MAP3K15: variants seen among roughly 807,000 people sequenced by gnomAD.
MAP3K15 encodes mitogen-activated protein kinase kinase kinase 15, also known as MAPK/ERK kinase kinase 15.
MAP3K15 carries 124 observed loss-of-function variants against 99.5 expected under a neutral mutation model. The ratio of observed to expected loss-of-function variants is 1.25; its 90% confidence interval spans 1.08 to 1.45. The LOEUF (loss-of-function observed/expected upper bound fraction) is 1.45, where lower values mean the gene tolerates loss of function less well. Ranked by LOEUF, MAP3K15 falls within the 40% of genes most tolerant of loss-of-function variation. The pLI is 0.00. For missense variants in MAP3K15, 1,242 were observed against 1,079.7 expected, an observed-to-expected ratio of 1.15 and a Z score of -2.11; for synonymous variants, 494 against 439.6, an observed-to-expected ratio of 1.12 and a Z score of -1.55.
At chrX:19,414,293 AT>A (rs1164564634) in intron 10 of MAP3K15, 2 of 132,274 alleles carry the variant, frequency 1.5e-5, no homozygotes, top group Non-Finnish European at 2.8e-5. Flanking sequence ...CTGCTCCATT[AT>A]TTTTTTGTAC....
At chrX:19,390,630 T>C (rs1437940052) in intron 18 of MAP3K15, among the ~76,000 whole-genome samples, 1 of 107,267 alleles carries the variant, frequency 9.3e-6, no homozygotes, top group Non-Finnish European at 1.9e-5. Context: ...CAGGCTGGTC[T>C]TGAACTCCTG....
chrX:19,490,517 G>A (rs1225426124), intron 1 of MAP3K15, among the ~76,000 whole-genome samples: 1 of 111,014 alleles, frequency 9.0e-6, no homozygotes, highest in African/African-American at 3.3e-5. Flanking sequence ...GTTGGCCGAG[G>A]TGGGCAGAAT....
At chrX:19,428,831 TG>T in intron 7 of MAP3K15, among the ~76,000 whole-genome samples, 1 of 111,066 alleles carries the variant, frequency 9.0e-6, no homozygotes, top group Non-Finnish European at 1.9e-5. Context: ...TAGCCGGGCA[TG>T]GTGGCATGTG....
rs146424619 is a variant in MAP3K15 at position 19,470,862 on chromosome X, A to G, written c.526-6456T>C. On this transcript the variant is annotated intron_variant, in intron 3 of 28. Transcript: ENST00000338883. ...ACAATGACTTGAAAGCAGATATTAC[A>G]AATACGTTCAAAGAACTAAGGGAAA... Among the ~76,000 whole-genome samples the G allele has an allele frequency of 2.9e-3, 321 of 112,096 alleles. 2 individuals carry two copies. Among genetic ancestry groups the G allele is most frequent in the African/African-American group, 9.8e-3 (303 of 30,870 alleles).
At chrX:19,432,188 C>A (rs2063888318) in intron 6 of MAP3K15, among the ~76,000 whole-genome samples, 1 of 110,145 alleles carries the variant, frequency 9.1e-6, no homozygotes, top group Non-Finnish European at 1.9e-5. Context: ...AAGAGGAAAC[C>A]TATATAATAA....
At chrX:19,496,600 C>T (rs190155727) in intron 1 of MAP3K15, 3 of 111,360 alleles carry the variant, frequency 2.7e-5, no homozygotes, top group Admixed American at 9.6e-5. Flanking sequence ...TGTACTCCAG[C>T]CACACGCTGC....
intron 13 of MAP3K15, among the ~76,000 whole-genome samples, chrX:19,405,955 A>C (rs1031716423): frequency 9.8e-5 from 11 of 112,366 alleles, no homozygotes; most frequent in African/African-American, 2.6e-4. Context: ...ATTTGAATAG[A>C]CATTTCTCCA....
chrX:19,413,458 C>G lies in MAP3K15; in HGVS notation c.1597G>C (p.Val533Leu), dbSNP rs1410809475. The G allele has an allele frequency of 8.4e-7, 1 of 1,193,093 alleles. No homozygotes were observed. Among genetic ancestry groups the G allele is most frequent in the Admixed American group, 2.2e-5 (1 of 45,154 alleles). The change falls in exon 11 of 29, where the codon GTC (valine) becomes CTC (leucine). Residue 533 changes from valine (V) to leucine (L), a missense_variant. Physicochemically the swap from Val to Leu is conservative, Grantham distance 32 (BLOSUM62 1). Transcript: ENST00000338883. ...TGGTACACTTTGGTTGGCTCTATGA[C>G]CAGAACCTGAAACAAGAACAGATGC... ...VTNGLRFPVL[V>L]IEPTKVYQPS...
intron 6 of MAP3K15, among the ~76,000 whole-genome samples, chrX:19,448,722 T>C (rs1396879217): frequency 9.1e-6 from 1 of 109,563 alleles, no homozygotes; most frequent in Non-Finnish European, 1.9e-5. Flanking sequence ...TGCATTTTCT[T>C]AGGCTGATAG....
rs1485785424 is a variant in MAP3K15, at chrX:19,362,846, A to G, written c.3571T>C (p.Leu1191=). ...GELRQETNRL[L]EHLVEKEREY... ...CTCTCTTTTTCAACTAGGTGTTCCA[A>G]AAGTCTGGTTTAAAAAAAAAAAAAA... Residue 1191 remains leucine, a synonymous_variant, in exon 26 of 29, where the codon TTG becomes CTG. Coordinates refer to ENST00000338883, the MANE Select transcript of MAP3K15 (RefSeq NM_001001671.4). The G allele has an allele frequency of 2.7e-6, 3 of 1,096,409 alleles. No individual in the cohort carries two copies. The highest frequency in any genetic ancestry group is 2.2e-5 in the African/African-American group (1 of 45,314). The allele number at this position is 1,096,409 out of a possible 1,213,427, so 90.4% of individuals were successfully genotyped here.
intron 1 of MAP3K15, among the ~76,000 whole-genome samples, chrX:19,495,872 C>T (rs1477138159): frequency 3.6e-5 from 4 of 111,015 alleles, no homozygotes; most frequent in Non-Finnish European, 7.5e-5. Context: ...AAGAGGATCG[C>T]TTGAGCCCAG....
rs1173405849 is a variant in MAP3K15, at chrX:19,360,263, A to AATTGAAGTACC, written c.*475_*485dup. ...ATTCGTATCAGTTTTGTGTTTCTCA[A>AATTGAAGTACC]ATTGAAGTACCATACCAGTTCTGAG... On this transcript the variant is annotated 3_prime_UTR_variant, in exon 29 of 29. Coordinates refer to ENST00000338883, the MANE Select transcript of MAP3K15 (RefSeq NM_001001671.4). 7.5e-6 allele frequency: 1 copy of AATTGAAGTACC among 134,067 alleles called. No homozygotes were observed. Among genetic ancestry groups the AATTGAAGTACC allele is most frequent in the East Asian group, 2.4e-4 (1 of 4,225 alleles). 11.0% of individuals were successfully genotyped at this position (134,067 alleles called of 1,213,427 possible). A position where few individuals can be genotyped will look rare whatever the true frequency, so the allele number is the denominator to read the frequency against.
At chrX:19,401,141 G>A (rs960568551) in intron 13 of MAP3K15, among the ~76,000 whole-genome samples, 3 of 110,899 alleles carry the variant, frequency 2.7e-5, no homozygotes, top group Admixed American at 9.6e-5. Flanking sequence ...TCCCCAGGAC[G>A]TGTGAGTTAC....
rs1399988580 is a variant in MAP3K15, at chrX:19,384,748, GGAAAAAAAAAAAAAA to G, written c.2432-4486_2432-4472del. ...GATGGGAGTGAGACCTTGTCTCAGG[GGAAAAAAAAAAAAAA>G]AAAAAAAAAAAAAAAAACTGTACAT... On this transcript the variant is annotated intron_variant, in intron 18 of 28. Transcript: ENST00000338883. Among the ~76,000 whole-genome samples the G allele has an allele frequency of 8.3e-3, 469 of 56,460 alleles. 5 individuals carry two copies. The highest frequency in any genetic ancestry group is 0.031 in the African/African-American group (446 of 14,301). The allele number at this position is 56,460 out of a possible 115,157, so 49.0% of individuals were successfully genotyped here.
intron 3 of MAP3K15, among the ~76,000 whole-genome samples, chrX:19,479,945 A>T (rs1312028836): frequency 1.8e-5 from 2 of 112,632 alleles, no homozygotes; most frequent in African/African-American, 6.5e-5. Context: ...TGAAATATGA[A>T]GTGAAATGTA....
intron 3 of MAP3K15, among the ~76,000 whole-genome samples, chrX:19,470,974 G>GA (rs1310237715): frequency 9.0e-6 from 1 of 111,724 alleles, no homozygotes; most frequent in East Asian, 2.8e-4. Flanking sequence ...AGGAGGGGGG[G>GA]TAGGAATTCT....
At chrX:19,424,279 C>CACACATATATAT (rs1431603239) in intron 9 of MAP3K15, among the ~76,000 whole-genome samples, 8 of 87,406 alleles carry the variant, frequency 9.2e-5, no homozygotes, top group Admixed American at 3.8e-4. Context: ...CACATATATA[C>CACACATATATAT]ACACATATAT....
At chrX:19,414,648 G>A (rs969233979) in intron 10 of MAP3K15, among the ~76,000 whole-genome samples, 3 of 112,374 alleles carry the variant, frequency 2.7e-5, no homozygotes, top group Admixed American at 9.4e-5. Context: ...AGGAAACCAC[G>A]CTGAATTCCA....
chrX:19,488,843 A>G lies in MAP3K15; in HGVS notation c.486T>C (p.Thr162=). ...VILYHDTDAD[T]ALSLKDMVTQ... is the part of the protein sequence containing the mutation. ...TACACTGTACCTTCAAAGAGAGAGC[A>G]GTGTCGGCATCGGTGTCATGGTACA... The change falls in exon 2 of 29, where the codon ACT becomes ACC. Residue 162 remains threonine (T), a synonymous_variant. Transcript: ENST00000338883. 1 of 1,199,615 alleles carries G rather than the reference A, an allele frequency of 8.3e-7. No homozygotes were observed. Among genetic ancestry groups the G allele is most frequent in the East Asian group, 3.0e-5 (1 of 33,853 alleles).
Sources: allele counts gnomAD v4.1 joint callset (sites outside exome capture counted in the v4.1 genomes callset), GRCh38; gene constraint gnomAD v4.1.1; transcripts MANE v1.5; gene names NCBI Gene and HGNC (gene_info 2026-07-23, HGNC 2026-07-21).